Variants in PNMA6F observed in about 807,000 individuals in gnomAD.
The protein encoded by PNMA6F is paraneoplastic antigen Ma6F.
For synonymous variants in PNMA6F, 14 were observed against 3.4 expected, an observed-to-expected ratio of 4.15 and a Z score of -3.45; for missense variants, 57 against 10.8, an observed-to-expected ratio of 5.25 and a Z score of -5.98.
chrX:153,319,894 G>T lies in PNMA6F; in HGVS notation c.781C>A (p.Gln261Lys). 1 of 303,480 alleles carries T rather than the reference G, an allele frequency of 3.3e-6. No homozygotes were observed. The highest frequency in any genetic ancestry group is 4.7e-5 in the East Asian group (1 of 21,099). The allele number at this position is 303,480 out of a possible 1,213,427, so 25.0% of individuals were successfully genotyped here. Residue 261 changes from glutamine (Q) to lysine (K), a missense_variant, in exon 2 of 2, where the codon CAG (glutamine) becomes AAG (lysine). Physicochemically the swap from Gln to Lys is moderately conservative, Grantham distance 53. Transcript: ENST00000436629. ...RELRPFSGRE[Q>K]PGCVEESFES... ...AAGGACTCTTCCACGCAGCCTGGCT[G>T]CTCCCTCCCGGAAAAGGGTCTCAGT...
At position 153,319,160 on chromosome X, in the gene PNMA6F, C is replaced by A. The variant is rs1009787377; in HGVS notation, c.1515G>T (p.Arg505Ser). 7 of 297,843 alleles carry A rather than the reference C, an allele frequency of 2.4e-5. No individual in the cohort carries two copies. The highest frequency in any genetic ancestry group is 3.5e-5 in the Non-Finnish European group (6 of 170,452). 24.5% of individuals were successfully genotyped at this position (297,843 alleles called of 1,213,427 possible). A position where few individuals can be genotyped will look rare whatever the true frequency, so the allele number is the denominator to read the frequency against. The change falls in exon 2 of 2, where the codon AGG becomes AGT. Residue 505 changes from arginine (R) to serine (S), a missense_variant. Physicochemically the swap from Arg to Ser is moderately radical, Grantham distance 110. Transcript: ENST00000436629. Reference sequence around the variant, plus strand: ...GGAGGCCCCCAGGGGCGTCGGGGGACCTTCCCTGACCTAGGCCTTCAAGGC... The same window carrying A: ...GGAGGCCCCCAGGGGCGTCGGGGGAACTTCCCTGACCTAGGCCTTCAAGGC... ...PAGLEGLGQG[R>S]SPDAPGGLPA...
rs1556958717 is a variant in PNMA6F, at chrX:153,319,883, G to A, written c.792C>T (p.Cys264=). 1.7e-5 allele frequency: 5 copies of A among 301,293 alleles called. No individual in the cohort carries two copies. The highest frequency in any genetic ancestry group is 9.5e-5 in the East Asian group (2 of 21,053). 24.8% of individuals were successfully genotyped at this position (301,293 alleles called of 1,213,427 possible). The part of the protein sequence containing the change: ...RPFSGREQPG[C]VEESFESWLE... ...ACCAGCTCTCAAAGGACTCTTCCAC[G>A]CAGCCTGGCTGCTCCCTCCCGGAAA... The change falls in exon 2 of 2, where the codon TGC becomes TGT. Residue 264 remains cysteine, a synonymous_variant. Coordinates refer to ENST00000436629, the MANE Select transcript of PNMA6F (RefSeq NM_001354980.2).
chrX:153,320,811 C>G, intron 1 of PNMA6F, 54 bp from the exon 2 acceptor site: 2 of 289,421 alleles, frequency 6.9e-6, no homozygotes, highest in Middle Eastern at 1.8e-3. Context: ...AACCCACCCC[C>G]ACTACAGGCC....
In PNMA6F at chrX:153,318,994, C is replaced by G. The variant is rs1479987996; in HGVS notation, c.1681G>C (p.Glu561Gln). The change falls in exon 2 of 2, where the codon GAG becomes CAG. Residue 561 changes from glutamate to glutamine, a missense_variant. Transcript: ENST00000436629. ...GCCTCCCCAGCCCCATCCTCATCCT[C>G]GTTTTCTGACTCCTCTAAGATGGGC... ...LKPILEESEN[E>Q]DEDGAGEAGK... 19 of 304,051 alleles carry G rather than the reference C, an allele frequency of 6.2e-5. No individual in the cohort carries two copies. In the East Asian group the frequency reaches 7.1e-4, roughly 11 times the overall value. 25.1% of individuals were successfully genotyped at this position (304,051 alleles called of 1,213,427 possible).
chrX:153,320,209 C>CTACA lies in PNMA6F; in HGVS notation c.462_465dup (p.Gly156CysfsTer3), dbSNP rs1185906238. The CTACA allele has an allele frequency of 8.8e-6, 3 of 341,776 alleles. No individual in the cohort carries two copies. The highest frequency in any genetic ancestry group is 1.0e-5 in the Non-Finnish European group (2 of 199,661). The allele number at this position is 341,776 out of a possible 1,213,427, so 28.2% of individuals were successfully genotyped here. ...GCCTCACCTGCTGCTCCTGCCTCAC[C>CTACA]TACACCTCCTGCCTCACCTATACCT... On this transcript the variant is annotated frameshift_variant, in exon 2 of 2. Coordinates refer to ENST00000436629, the MANE Select transcript of PNMA6F (RefSeq NM_001354980.2). LOFTEE classifies it low-confidence loss of function (END_TRUNC).
At chrX:153,320,989 T>C in intron 1 of PNMA6F, among the ~76,000 whole-genome samples, 2 of 108,402 alleles carry the variant, frequency 1.8e-5, no homozygotes, top group East Asian at 5.9e-4. Flanking sequence ...TGTCCCCTTA[T>C]CACACCACAA....
In PNMA6F at chrX:153,320,077, C is replaced by T. The variant is rs1314926122; in HGVS notation, c.598G>A (p.Glu200Lys). The part of the protein sequence containing the change: ...GAGEEGGTGE[E>K]GGAGEAGGAG... ...CCTCCTGCCTCACCTGCACCTCCTTCCTCACCTGTACCTCCTTCCTCACCT... is the reference window on the plus strand; with the variant it reads ...CCTCCTGCCTCACCTGCACCTCCTTTCTCACCTGTACCTCCTTCCTCACCT... Residue 200 changes from glutamate to lysine, a missense_variant, in exon 2 of 2, where the codon GAA becomes AAA. Coordinates refer to ENST00000436629, the MANE Select transcript of PNMA6F (RefSeq NM_001354980.2). 1.9e-5 allele frequency: 7 copies of T among 362,875 alleles called. No individual in the cohort carries two copies. Among genetic ancestry groups the T allele is most frequent in the African/African-American group, 1.4e-4 (5 of 36,988 alleles). 29.9% of individuals were successfully genotyped at this position (362,875 alleles called of 1,213,427 possible). A position where few individuals can be genotyped will look rare whatever the true frequency, so the allele number is the denominator to read the frequency against.
chrX:153,317,877 C>A lies in PNMA6F; in HGVS notation c.*1061G>T, dbSNP rs1556958338. 1 of 110,585 alleles carries A rather than the reference C, an allele frequency of 9.0e-6. No homozygotes were observed. Among genetic ancestry groups the A allele is most frequent in the African/African-American group, 3.4e-5 (1 of 29,605 alleles). The allele number at this position is 110,585 out of a possible 1,213,427, so 9.1% of individuals were successfully genotyped here. ...CCTGCTGCAGCCCCCGCTGCCAACT[C>A]CCTCCTTCCTGAGGGCCCCAGGGTC... is the stretch of plus-strand genomic sequence containing the variant. On this transcript the variant is annotated 3_prime_UTR_variant, in exon 2 of 2. Coordinates refer to ENST00000436629, the MANE Select transcript of PNMA6F (RefSeq NM_001354980.2).
At position 153,320,531 on chromosome X, in the gene PNMA6F, G is replaced by A. The variant is rs2051989001; in HGVS notation, c.144C>T (p.Leu48=). The change falls in exon 2 of 2, where the codon CTC becomes CTT. Residue 48 remains leucine, a synonymous_variant. Coordinates refer to ENST00000436629, the MANE Select transcript of PNMA6F (RefSeq NM_001354980.2). ...ALSPLGRYRV[L]IKVFRKELGA... is the part of the protein sequence containing the mutation. Reference sequence around the variant, plus strand: ...CGAGCTCCTTTCTGAAGACCTTGATGAGCACTCGGTACCTGCCCAGGGGCG... The same window carrying A: ...CGAGCTCCTTTCTGAAGACCTTGATAAGCACTCGGTACCTGCCCAGGGGCG... 2 of 297,581 alleles carry A rather than the reference G, an allele frequency of 6.7e-6. No individual in the cohort carries two copies. The highest frequency in any genetic ancestry group is 1.2e-5 in the Non-Finnish European group (2 of 170,521). 24.5% of individuals were successfully genotyped at this position (297,581 alleles called of 1,213,427 possible). A position where few individuals can be genotyped will look rare whatever the true frequency, so the allele number is the denominator to read the frequency against.
Position 153,318,535 on chromosome X carries a change from C to T in PNMA6F, c.*403G>A, listed in dbSNP as rs953711067. 12 of 124,151 alleles carry T rather than the reference C, an allele frequency of 9.7e-5. No individual in the cohort carries two copies. The highest frequency in any genetic ancestry group is 2.4e-4 in the East Asian group (1 of 4,141). The allele number at this position is 124,151 out of a possible 1,213,427, so 10.2% of individuals were successfully genotyped here. A position where few individuals can be genotyped will look rare whatever the true frequency, so the allele number is the denominator to read the frequency against. ...GGTGAGTGGGCGTCTGCTGTTCGGA[C>T]GCGTGGGTCACTATGGGGCCTACAG... On this transcript the variant is annotated 3_prime_UTR_variant, in exon 2 of 2. Transcript: ENST00000436629.
rs2088370600 is a variant in PNMA6F, at chrX:153,321,741, T to C, written c.-273A>G. On this transcript the variant is annotated 5_prime_UTR_variant, in exon 1 of 2. Transcript: ENST00000436629. ...GTGCTAAGACTACAGGGCTTCCCGCTTCTCCCAGAAGCCCCAGGTAGATGA... is the reference window on the plus strand; with the variant it reads ...GTGCTAAGACTACAGGGCTTCCCGCCTCTCCCAGAAGCCCCAGGTAGATGA... 1 of 109,862 alleles carries C rather than the reference T, an allele frequency of 9.1e-6. No individual in the cohort carries two copies. Among genetic ancestry groups the C allele is most frequent in the African/African-American group, 3.3e-5 (1 of 30,119 alleles). 9.1% of individuals were successfully genotyped at this position (109,862 alleles called of 1,213,427 possible).
chrX:153,319,963 G>T lies in PNMA6F; in HGVS notation c.712C>A (p.Arg238Ser). The change falls in exon 2 of 2, where the codon CGC becomes AGC. Residue 238 changes from arginine (R) to serine (S), a missense_variant. Coordinates refer to ENST00000436629, the MANE Select transcript of PNMA6F (RefSeq NM_001354980.2). ...TTCACCAGAGGCCGCAGGGTCTGGC[G>T]CCATGACTGGGTCCAGGCCTCCACC... The part of the protein sequence containing the change: ...GVVEAWTQSW[R>S]QTLRPLVKTM... 1 of 313,894 alleles carries T rather than the reference G, an allele frequency of 3.2e-6. No individual in the cohort carries two copies. Among genetic ancestry groups the T allele is most frequent in the Non-Finnish European group, 5.5e-6 (1 of 180,941 alleles). The allele number at this position is 313,894 out of a possible 1,213,427, so 25.9% of individuals were successfully genotyped here.
chrX:153,319,513 G>T lies in PNMA6F; in HGVS notation c.1162C>A (p.Leu388Met), dbSNP rs1602805829. 6.7e-6 allele frequency: 2 copies of T among 298,172 alleles called. No homozygotes were observed. The highest frequency in any genetic ancestry group is 9.5e-5 in the East Asian group (2 of 21,037). The allele number at this position is 298,172 out of a possible 1,213,427, so 24.6% of individuals were successfully genotyped here. A position where few individuals can be genotyped will look rare whatever the true frequency, so the allele number is the denominator to read the frequency against. The change falls in exon 2 of 2, where the codon CTG becomes ATG. Residue 388 changes from leucine to methionine, a missense_variant. Leu to Met is a conservative substitution (Grantham distance 15). Transcript: ENST00000436629. ...MANHLRLRQV[L>M]SRARPSEALQ... ...GCCTCGCTGGGGCGGGCCCGAGACA[G>T]CACCTGCCGCAGTCGCAGGTGGTTG...
At position 153,319,881 on chromosome X, in the gene PNMA6F, A is replaced by T. The variant is rs1297223482; in HGVS notation, c.794T>A (p.Val265Glu). Reference protein sequence around the residue: ...PFSGREQPGCVEESFESWLED... With the variant: ...PFSGREQPGCEEESFESWLED... ...CAACCAGCTCTCAAAGGACTCTTCC[A>T]CGCAGCCTGGCTGCTCCCTCCCGGA... Residue 265 changes from valine to glutamate, a missense_variant, in exon 2 of 2, where the codon GTG (valine) becomes GAG (glutamate). Val to Glu is a moderately radical substitution (Grantham distance 121, BLOSUM62 -2). Transcript: ENST00000436629. 2 of 301,899 alleles carry T rather than the reference A, an allele frequency of 6.6e-6. No individual in the cohort carries two copies. Among genetic ancestry groups the T allele is most frequent in the African/African-American group, 5.5e-5 (2 of 36,604 alleles). The allele number at this position is 301,899 out of a possible 1,213,427, so 24.9% of individuals were successfully genotyped here. A position where few individuals can be genotyped will look rare whatever the true frequency, so the allele number is the denominator to read the frequency against.
At position 153,318,662 on chromosome X, in the gene PNMA6F, C is replaced by T. The variant is rs1556958516; in HGVS notation, c.*276G>A. 2.6e-5 allele frequency: 6 copies of T among 229,322 alleles called. No individual in the cohort carries two copies. The Admixed American group carries it at 2.8e-4, about 11-fold the overall frequency. The allele number at this position is 229,322 out of a possible 1,213,427, so 18.9% of individuals were successfully genotyped here. A position where few individuals can be genotyped will look rare whatever the true frequency, so the allele number is the denominator to read the frequency against. ...TAGGCAGCTGTCACCCTTGAGAGGG[C>T]CTCTTTCCCCCATCTCTCCCAACAC... On this transcript the variant is annotated 3_prime_UTR_variant, in exon 2 of 2. Coordinates refer to ENST00000436629, the MANE Select transcript of PNMA6F (RefSeq NM_001354980.2).
At position 153,319,689 on chromosome X, in the gene PNMA6F, A is replaced by T; in HGVS notation, c.986T>A (p.Val329Glu). The part of the protein sequence containing the change: ...AQDCLTALGQ[V>E]FRSRDTWMTS... ...CATCCATGTATCCCGGCTCCTAAAC[A>T]CCTGCCCCAGCGCCGTCAGGCAGTC... Residue 329 changes from valine to glutamate, a missense_variant, in exon 2 of 2, where the codon GTG becomes GAG. By Grantham distance (121) the Val-to-Glu change is moderately radical (BLOSUM62 -2). Transcript: ENST00000436629. The T allele has an allele frequency of 3.4e-6, 1 of 297,767 alleles. No individual in the cohort carries two copies. The highest frequency in any genetic ancestry group is 4.7e-5 in the East Asian group (1 of 21,056). 24.5% of individuals were successfully genotyped at this position (297,767 alleles called of 1,213,427 possible).
Position 153,320,256 on chromosome X carries a change from G to T in PNMA6F, c.419C>A (p.Ser140Tyr). 3.1e-6 allele frequency: 1 copy of T among 323,449 alleles called. No individual in the cohort carries two copies. Among genetic ancestry groups the T allele is most frequent in the Non-Finnish European group, 5.3e-6 (1 of 188,628 alleles). The allele number at this position is 323,449 out of a possible 1,213,427, so 26.7% of individuals were successfully genotyped here. Reference sequence around the variant, plus strand: ...ACCTCCTGCCTCATCTTCACCTGCAGATCTTTCCTCATTCACACCTCCTGC... The same window carrying T: ...ACCTCCTGCCTCATCTTCACCTGCATATCTTTCCTCATTCACACCTCCTGC... ...GEAGGVNEER[S>Y]AGEDEAGGIG... The change falls in exon 2 of 2, where the codon TCT (serine) becomes TAT (tyrosine). Residue 140 changes from serine (S) to tyrosine (Y), a missense_variant. Transcript: ENST00000436629.
chrX:153,320,825 G>A (rs1456631004), intron 1 of PNMA6F, 68 bp from the exon 2 acceptor site: 4 of 275,803 alleles, frequency 1.5e-5, no homozygotes, highest in Non-Finnish European at 1.9e-5. Flanking sequence ...ACAGGCCTTT[G>A]CCCTCCCCTC....
Position 153,319,671 on chromosome X carries a change from G to T in PNMA6F, c.1004C>A (p.Thr335Lys), listed in dbSNP as rs1034325422. The T allele has an allele frequency of 6.4e-5, 19 of 297,308 alleles. No individual in the cohort carries two copies. Among genetic ancestry groups the T allele is most frequent in the African/African-American group, 4.6e-4 (17 of 36,851 alleles). The allele number at this position is 297,308 out of a possible 1,213,427, so 24.5% of individuals were successfully genotyped here. A position where few individuals can be genotyped will look rare whatever the true frequency, so the allele number is the denominator to read the frequency against. ...ALGQVFRSRD[T>K]WMTSRMKFLT... ...GAACTTCATCCGCGAGGTCATCCATGTATCCCGGCTCCTAAACACCTGCCC... is the reference window on the plus strand; with the variant it reads ...GAACTTCATCCGCGAGGTCATCCATTTATCCCGGCTCCTAAACACCTGCCC... Residue 335 changes from threonine to lysine, a missense_variant, in exon 2 of 2, where the codon ACA becomes AAA. Physicochemically the swap from Thr to Lys is moderately conservative, Grantham distance 78 (BLOSUM62 -1). Coordinates refer to ENST00000436629, the MANE Select transcript of PNMA6F (RefSeq NM_001354980.2).
Sources: gnomAD v4.1 joint callset for allele counts (sites outside exome capture counted in the v4.1 genomes callset) on GRCh38, gnomAD v4.1.1 for gene constraint, MANE v1.5 for transcripts, NCBI Gene and HGNC (gene_info 2026-07-23, HGNC 2026-07-21) for gene names.